MGA: variants seen among roughly 807,000 people sequenced by gnomAD.
MGA encodes the protein MAX gene-associated protein.
MGA carries 40 observed loss-of-function variants against 261.1 expected under a neutral mutation model. That is an observed-to-expected ratio of 0.15 (90% CI 0.12 to 0.20). MGA has a LOEUF of 0.20. MGA is among the 10% of genes least tolerant of loss of function. The pLI is 1.00. For missense variants in MGA, 3,397 were observed against 3,630.5 expected (o/e 0.94, Z 1.65); for synonymous variants, 1,302 against 1,290.6 (o/e 1.01, Z -0.19).
At chr15:41,657,941 C>CT (rs1471941094), upstream of MGA, among the ~76,000 whole-genome samples, 1 of 152,142 alleles carries the variant, frequency 6.6e-6, no homozygotes, top group Non-Finnish European at 1.5e-5. Flanking sequence ...TTGTGCCAAT[C>CT]TTTGGGGTTC....
chr15:41,691,431 A>G (rs957596636), intron 2 of MGA, among the ~76,000 whole-genome samples: 3 of 152,230 alleles, frequency 2.0e-5, no homozygotes, highest in African/African-American at 7.2e-5. Context: ...ATAGTTTTTT[A>G]GTGGATTCTT....
At chr15:41,652,224 C>A (rs990891066) in intron 1 of MGA, among the ~76,000 whole-genome samples, 1 of 151,092 alleles carries the variant, frequency 6.6e-6, no homozygotes, top group Non-Finnish European at 1.5e-5. Flanking sequence ...CCACCCGCCT[C>A]AGCCTCCGAA....
upstream of MGA, among the ~76,000 whole-genome samples, chr15:41,659,890 A>T (rs2057295419): frequency 6.6e-6 from 1 of 152,224 alleles, no homozygotes; most frequent in Admixed American, 6.5e-5. Context: ...AAACTCGACC[A>T]TCCGTCTCTC....
intron 20 of MGA, among the ~76,000 whole-genome samples, chr15:41,760,880 G>A (rs1340419654): frequency 6.6e-6 from 1 of 152,202 alleles, no homozygotes; most frequent in Middle Eastern, 3.2e-3. Flanking sequence ...GGGATTTCAG[G>A]CTTGCGCCAC....
In MGA at chr15:41,760,477, C is replaced by T. The variant is rs1412690668; in HGVS notation, c.7346C>T (p.Thr2449Ile). The T allele has an allele frequency of 6.2e-7, 1 of 1,614,000 alleles. No homozygotes were observed. The highest frequency in any genetic ancestry group is 1.7e-5 in the Admixed American group (1 of 60,016). Residue 2449 changes from threonine to isoleucine, a missense_variant, in exon 20 of 24, where the codon ACA (threonine) becomes ATA (isoleucine). By Grantham distance (89) the Thr-to-Ile change is moderately conservative. Around this residue, in one of 9 missense-constraint regions of MGA, gnomAD observed 50 missense variants for 121.5 expected, o/e 0.41. Coordinates refer to ENST00000219905, the MANE Select transcript of MGA (RefSeq NM_001164273.2). ...GATCTCTTTGAGAAATTAAAGATCA[C>T]ATTGGGATTACTTCATTCTTCCAAG...
intron 2 of MGA, among the ~76,000 whole-genome samples, chr15:41,686,892 G>A (rs1224528126): frequency 2.0e-5 from 3 of 151,980 alleles, no homozygotes; most frequent in African/African-American, 7.3e-5. Context: ...TTTTATTGAG[G>A]ATTTTTGCAC....
Position 41,750,471 on chromosome 15 carries a change from G to C in MGA, c.6864G>C (p.Lys2288Asn), listed in dbSNP as rs375218714. 13 of 1,613,872 alleles carry C rather than the reference G, an allele frequency of 8.1e-6. No homozygotes were observed. The African/African-American group carries it at 1.5e-4, about 18-fold the overall frequency. The stretch of plus-strand genomic sequence containing the variant: ...AGATACAACCAAAGCAAGAGAAGAA[G>C]GGTGGGAGAAGCAGTGCTGACTTCA... Residue 2288 changes from lysine (K) to asparagine (N), a missense_variant, in exon 17 of 24, where the codon AAG (lysine) becomes AAC (asparagine). This residue lies in a region of MGA where 1,410 missense variants were observed against 1,386.4 expected (regional missense o/e 1.02). Coordinates refer to ENST00000219905, the MANE Select transcript of MGA (RefSeq NM_001164273.2).
rs2063916901 is a variant in MGA, at chr15:41,768,739, GTCT to G, written c.*1464_*1466del. ...TGATGCTATTTCTTCTATATCTCCT[GTCT>G]TCTTTATCCCAAATCCCACTCAGCA... On this transcript the variant is annotated 3_prime_UTR_variant, in exon 24 of 24. Coordinates refer to ENST00000219905, the MANE Select transcript of MGA (RefSeq NM_001164273.2). The G allele has an allele frequency of 1.3e-5, 2 of 152,496 alleles. No homozygotes were observed. The highest frequency in any genetic ancestry group is 4.1e-4 in the South Asian group (2 of 4,832). 9.4% of individuals were successfully genotyped at this position (152,496 alleles called of 1,614,324 possible).
chr15:41,760,248 G>A, intron 19 of MGA, 75 bp from the exon 20 acceptor site: 1 of 1,384,700 alleles, frequency 7.2e-7, no homozygotes, highest in Non-Finnish European at 1.0e-6. Context: ...CTGAAATAGG[G>A]CAGTGTCATT....
chr15:41,754,660 C>G, intron 18 of MGA, 93 bp downstream of exon 18: 1 of 1,331,722 alleles, frequency 7.5e-7, no homozygotes, highest in Non-Finnish European at 9.9e-7. Flanking sequence ...GGTAACTCAT[C>G]TGGTTCCTTC....
chr15:41,705,309 A>T (rs944514416), intron 5 of MGA, among the ~76,000 whole-genome samples: 1 of 150,760 alleles, frequency 6.6e-6, no homozygotes, highest in Non-Finnish European at 1.5e-5. Flanking sequence ...TATTTACCCT[A>T]TGCTACCTAC....
intron 2 of MGA, among the ~76,000 whole-genome samples, chr15:41,680,610 G>C (rs942675840): frequency 6.6e-6 from 1 of 152,026 alleles, no homozygotes; most frequent in Non-Finnish European, 1.5e-5. Flanking sequence ...GGAAAACACT[G>C]TATTTAGAAT....
chr15:41,645,354 C>G (rs1419806207), intron 1 of MGA, among the ~76,000 whole-genome samples: 1 of 152,256 alleles, frequency 6.6e-6, no homozygotes, highest in Non-Finnish European at 1.5e-5. Flanking sequence ...CTTTGGGAGG[C>G]TGAGACCGGC....
Position 41,743,130 on chromosome 15 carries a change from C to T in MGA, c.5170C>T (p.Leu1724Phe). 6.2e-7 allele frequency: 1 copy of T among 1,612,932 alleles called. No individual in the cohort carries two copies. Among genetic ancestry groups the T allele is most frequent in the Non-Finnish European group, 8.5e-7 (1 of 1,179,362 alleles). The change falls in exon 15 of 24, where the codon CTC becomes TTC. Residue 1724 changes from leucine (L) to phenylalanine (F), a missense_variant. Physicochemically the swap from Leu to Phe is conservative, Grantham distance 22 (BLOSUM62 0). Coordinates refer to ENST00000219905, the MANE Select transcript of MGA (RefSeq NM_001164273.2). ...ATCTCTGGGCTCTGTTCCTATTATA[C>T]TCTCAGGAATTAATGGGAGTCCACC... is the stretch of plus-strand genomic sequence containing the variant.
chr15:41,731,284 A>G (rs2061497008), intron 11 of MGA, among the ~76,000 whole-genome samples: 1 of 152,136 alleles, frequency 6.6e-6, no homozygotes, highest in African/African-American at 2.4e-5. Context: ...TTTGTTACCT[A>G]TATTAAAAAA....
chr15:41,671,368 G>A (rs1190533204), intron 2 of MGA, among the ~76,000 whole-genome samples: 1 of 152,096 alleles, frequency 6.6e-6, no homozygotes, highest in Non-Finnish European at 1.5e-5. Flanking sequence ...CTGTCGCCCG[G>A]GCTGGAGTGC....
At chr15:41,743,291 T>C in intron 15 of MGA, 119 bp downstream of exon 15, 1 of 1,241,040 alleles carries the variant, frequency 8.1e-7, no homozygotes, top group South Asian at 1.6e-5. Flanking sequence ...TGTTGTAACA[T>C]GATACATGTA....
intron 9 of MGA, among the ~76,000 whole-genome samples, chr15:41,725,363 C>CT (rs974295692): frequency 2.3e-4 from 35 of 152,102 alleles, no homozygotes; most frequent in African/African-American, 7.5e-4. Context: ...ACAACTAAAC[C>CT]TTTTTTTAAA....
At chr15:41,689,052 C>T (rs1044179922) in intron 2 of MGA, among the ~76,000 whole-genome samples, 27 of 152,282 alleles carry the variant, frequency 1.8e-4, no homozygotes, top group African/African-American at 6.5e-4. Flanking sequence ...GTTTGGGCTT[C>T]CACATACAAA....
Sources: gnomAD v4.1 joint callset for allele counts (sites outside exome capture counted in the v4.1 genomes callset) on GRCh38, gnomAD v4.1.1 for gene constraint, gnomAD v4.1.1 regional missense constraint, MANE v1.5 for transcripts, NCBI Gene and HGNC (gene_info 2026-07-23, HGNC 2026-07-21) for gene names.